Variants in SDK1 observed in about 807,000 individuals in gnomAD.
SDK1 encodes the protein protein sidekick-1.
A neutral mutation model predicts 245.5 loss-of-function variants in SDK1; 157 were observed. The observed-to-expected ratio is 0.64, with a 90% CI of 0.56 to 0.73. The LOEUF is 0.73. SDK1 is among the 30% of genes least tolerant of loss of function. The pLI is 0.00. For synonymous variants in SDK1, 1,647 were observed against 1,278.5 expected, an observed-to-expected ratio of 1.29 and a Z score of -6.15; for missense variants, 3,583 against 3,002.3, an observed-to-expected ratio of 1.19 and a Z score of -4.52.
intron 5 of SDK1, among the ~76,000 whole-genome samples, chr7:3,840,898 C>G (rs180735052): frequency 1.6e-3 from 246 of 152,304 alleles, no homozygotes; most frequent in Non-Finnish European, 2.5e-3. Context: ...CTCTCCCTCA[C>G]TAAAATTTGA....
At chr7:3,974,948 C>T (rs987771703) in intron 13 of SDK1, among the ~76,000 whole-genome samples, 21 of 152,124 alleles carry the variant, frequency 1.4e-4, no homozygotes, top group African/African-American at 4.8e-4. Flanking sequence ...GAGGTCGTTC[C>T]CGTGAAAGCC....
intron 5 of SDK1, among the ~76,000 whole-genome samples, chr7:3,825,578 A>G (rs372901481): frequency 6.6e-6 from 1 of 152,222 alleles, no homozygotes; most frequent in Non-Finnish European, 1.5e-5. Context: ...CAGATAGGAT[A>G]TCATTTCAGC....
At chr7:4,110,821 AG>A in intron 23 of SDK1, 49 bp downstream of exon 23, 1 of 1,325,452 alleles carries the variant, frequency 7.5e-7, no homozygotes, top group Non-Finnish European at 1.1e-6. Flanking sequence ...CTGGCAGCCC[AG>A]GCAGGTGCCT....
intron 4 of SDK1, among the ~76,000 whole-genome samples, chr7:3,651,090 G>C (rs1341361263): frequency 6.6e-6 from 1 of 150,770 alleles, no homozygotes; most frequent in Non-Finnish European, 1.5e-5. Context: ...GCCCAGGAGT[G>C]GAATGACTGG....
chr7:3,888,639 C>T (rs1448757188), intron 5 of SDK1, among the ~76,000 whole-genome samples: 2 of 152,084 alleles, frequency 1.3e-5, no homozygotes, highest in South Asian at 2.1e-4. Flanking sequence ...ATAAATTATA[C>T]AAGAATAGGA....
At chr7:4,129,685 G>A in intron 26 of SDK1, 1 of 1,394,008 alleles carries the variant, frequency 7.2e-7, no homozygotes, top group Non-Finnish European at 9.3e-7. Context: ...GCCAAGCCGT[G>A]GGCACTAACT....
chr7:3,877,791 A>G (rs1781110983), intron 5 of SDK1, among the ~76,000 whole-genome samples: 1 of 152,222 alleles, frequency 6.6e-6, no homozygotes, highest in Admixed American at 6.5e-5. Flanking sequence ...GTGCTCTATC[A>G]CAGACATGTT....
intron 22 of SDK1, among the ~76,000 whole-genome samples, chr7:4,084,911 C>T (rs190106558): frequency 5.9e-4 from 89 of 151,978 alleles, no homozygotes; most frequent in African/African-American, 1.9e-3. Flanking sequence ...TACAGGCGCC[C>T]GCCACCACGC....
intron 4 of SDK1, among the ~76,000 whole-genome samples, chr7:3,745,796 A>G (rs923860149): frequency 6.6e-6 from 1 of 152,238 alleles, no homozygotes; most frequent in Non-Finnish European, 1.5e-5. Flanking sequence ...AAAAGTGAGA[A>G]TGAAACATAT....
intron 1 of SDK1, among the ~76,000 whole-genome samples, chr7:3,440,866 A>T (rs917919617): frequency 1.8e-4 from 28 of 152,214 alleles, no homozygotes; most frequent in African/African-American, 6.5e-4. Flanking sequence ...TGAGTGGAAG[A>T]TACGAACCAA....
chr7:4,217,496 C>G (rs1425452733), intron 38 of SDK1, among the ~76,000 whole-genome samples: 59 of 38,260 alleles, frequency 1.5e-3, no homozygotes, highest in Non-Finnish European at 2.2e-3. Flanking sequence ...CGGAGCACCA[C>G]ACCACCCGGA....
At chr7:3,804,073 T>C (rs958542654) in intron 4 of SDK1, among the ~76,000 whole-genome samples, 4 of 152,322 alleles carry the variant, frequency 2.6e-5, no homozygotes, top group Admixed American at 6.5e-5. Flanking sequence ...AATATTTTCC[T>C]CTTAATAGAG....
At chr7:3,913,183 C>G (rs1013951530) in intron 5 of SDK1, among the ~76,000 whole-genome samples, 1 of 152,208 alleles carries the variant, frequency 6.6e-6, no homozygotes, top group Non-Finnish European at 1.5e-5. Context: ...ATGGAAATGC[C>G]TCCAGCTCCT....
At chr7:3,791,230 A>G (rs1781074845) in intron 4 of SDK1, among the ~76,000 whole-genome samples, 1 of 152,042 alleles carries the variant, frequency 6.6e-6, no homozygotes, top group Non-Finnish European at 1.5e-5. Flanking sequence ...TTAGGTGAAG[A>G]GGAGTGTAAC....
intron 4 of SDK1, among the ~76,000 whole-genome samples, chr7:3,722,398 G>T (rs566772001): frequency 1.3e-5 from 2 of 152,278 alleles, no homozygotes; most frequent in Admixed American, 6.5e-5. Context: ...GCACCCTGGG[G>T]AGTCAGCCCA....
chr7:3,476,509 C>G (rs1245211485), intron 1 of SDK1, among the ~76,000 whole-genome samples: 1 of 152,134 alleles, frequency 6.6e-6, no homozygotes, highest in African/African-American at 2.4e-5. Flanking sequence ...TTAGTGAAAT[C>G]TTCTAATACC....
At chr7:4,000,017 G>A (rs373611837) in intron 14 of SDK1, among the ~76,000 whole-genome samples, 17 of 152,174 alleles carry the variant, frequency 1.1e-4, no homozygotes, top group African/African-American at 3.1e-4. Context: ...CCTGGCAGTG[G>A]CCTACAGGGA....
Position 3,525,987 on chromosome 7 carries a change from A to C in SDK1, c.299-93093A>C, listed in dbSNP as rs182666780. 2.5e-3 allele frequency among the ~76,000 whole-genome samples: 376 copies of C among 152,256 alleles called. 3 individuals are homozygous for C. Among genetic ancestry groups the C allele is most frequent in the Non-Finnish European group, 2.9e-3 (196 of 68,012 alleles). ...CGTGGCTCACACCTGTAATCTTAGC[A>C]CTTTGGGAGGCTGAGGCAGGTGGAA... On this transcript the variant is annotated intron_variant, in intron 1 of 44. Coordinates refer to ENST00000404826, the MANE Select transcript of SDK1 (RefSeq NM_152744.4).
chr7:4,238,665 C>T (rs995166670), intron 42 of SDK1, among the ~76,000 whole-genome samples: 2 of 151,758 alleles, frequency 1.3e-5, no homozygotes, highest in Non-Finnish European at 2.9e-5. Context: ...TCGCCTGCCT[C>T]AGCCTCCCCA....
Sources: allele counts gnomAD v4.1 joint callset (sites outside exome capture counted in the v4.1 genomes callset), GRCh38; gene constraint gnomAD v4.1.1; transcripts MANE v1.5; gene names NCBI Gene and HGNC (gene_info 2026-07-23, HGNC 2026-07-21).